The following EXOC6B variants were observed in gnomAD, a reference collection of about 807,000 sequenced individuals.
EXOC6B encodes exocyst complex component 6B, also known as SEC15 homolog B.
A neutral mutation model predicts 113.5 loss-of-function variants in EXOC6B; 54 were observed. The ratio of observed to expected loss-of-function variants is 0.48; its 90% CI spans 0.38 to 0.60. The LOEUF is 0.60. Ranked by LOEUF, EXOC6B falls within the 20% of genes least tolerant of loss-of-function variation. The pLI is 0.00. For synonymous variants in EXOC6B, 357 were observed against 339.0 expected (o/e 1.05, Z -0.58); for missense variants, 797 against 977.5 (o/e 0.82, Z 2.46).
chr2:72,498,606 G>GTTTTT, intron 12 of EXOC6B, 55 bp from the exon 13 acceptor site: 5 of 843,736 alleles, frequency 5.9e-6, no homozygotes, highest in African/African-American at 1.9e-5. Context: ...TTTTTTTTCG[G>GTTTTT]TTTTTTTTTT....
chr2:72,788,908 T>G lies in EXOC6B; in HGVS notation c.113+36890A>C, dbSNP rs561831507. 3.5e-3 allele frequency among the ~76,000 whole-genome samples: 532 copies of G among 152,342 alleles called. 4 individuals carry two copies. The highest frequency in any genetic ancestry group is 0.012 in the African/African-American group (506 of 41,584). On this transcript the variant is annotated intron_variant, in intron 1 of 21. Coordinates refer to ENST00000272427, the MANE Select transcript of EXOC6B (RefSeq NM_015189.3). The stretch of plus-strand genomic sequence containing the variant: ...CAAATTATGACCTCATTCTTTGCTT[T>G]AGTTTTCTCCTAAGATCCTCATGTC...
intron 20 of EXOC6B, among the ~76,000 whole-genome samples, chr2:72,236,075 G>A (rs2104486207): frequency 6.6e-6 from 1 of 152,320 alleles, no homozygotes; most frequent in East Asian, 1.9e-4. Flanking sequence ...GAAACAAAAA[G>A]TGATGTCTAG....
chr2:72,624,462 C>T (rs1292777864), intron 6 of EXOC6B, among the ~76,000 whole-genome samples: 2 of 152,044 alleles, frequency 1.3e-5, no homozygotes, highest in African/African-American at 2.4e-5. Context: ...TGATTTTGAC[C>T]GGGTGCAGTG....
chr2:72,249,362 C>G (rs1381692676), intron 20 of EXOC6B, among the ~76,000 whole-genome samples: 2 of 152,144 alleles, frequency 1.3e-5, no homozygotes, highest in African/African-American at 4.8e-5. Context: ...TCACGTCATT[C>G]TCCTGCCTCA....
chr2:72,332,354 A>G (rs1688460744), intron 20 of EXOC6B, among the ~76,000 whole-genome samples: 1 of 152,088 alleles, frequency 6.6e-6, no homozygotes, highest in Admixed American at 6.6e-5. Flanking sequence ...GACCAGTGAG[A>G]GTAGTATTCA....
chr2:72,688,399 T>A (rs2104577270), intron 6 of EXOC6B, among the ~76,000 whole-genome samples: 1 of 152,246 alleles, frequency 6.6e-6, no homozygotes, highest in Middle Eastern at 3.4e-3. Flanking sequence ...TAAAACTTAT[T>A]TTCATGGGGA....
At chr2:72,586,840 T>C (rs574995428) in intron 6 of EXOC6B, among the ~76,000 whole-genome samples, 1 of 150,982 alleles carries the variant, frequency 6.6e-6, no homozygotes, top group African/African-American at 2.4e-5. Context: ...ATCAAGGAAA[T>C]GCAAATCAAA....
intron 8 of EXOC6B, among the ~76,000 whole-genome samples, chr2:72,552,754 C>A (rs1703312215): frequency 6.6e-6 from 1 of 151,868 alleles, no homozygotes; most frequent in South Asian, 2.1e-4. Context: ...CAATGAAATT[C>A]ACCATATTCA....
chr2:72,764,364 C>CTTTTTTTTT (rs397869115), intron 1 of EXOC6B, among the ~76,000 whole-genome samples: 6 of 66,812 alleles, frequency 9.0e-5, no homozygotes, highest in Non-Finnish European at 1.6e-4. Flanking sequence ...TATTTTCTCT[C>CTTTTTTTTT]TTTTTTTTTT....
At chr2:72,537,218 C>T (rs1702345079) in intron 8 of EXOC6B, among the ~76,000 whole-genome samples, 1 of 151,960 alleles carries the variant, frequency 6.6e-6, no homozygotes, top group Non-Finnish European at 1.5e-5. Context: ...CCTGACTTTA[C>T]TGGGAATCCC....
chr2:72,230,440 A>T (rs564823822), intron 20 of EXOC6B, among the ~76,000 whole-genome samples: 160 of 152,310 alleles, frequency 1.1e-3, no homozygotes, highest in African/African-American at 3.8e-3. Flanking sequence ...TTGCAATGCA[A>T]TTCCTTCTTG....
intron 20 of EXOC6B, among the ~76,000 whole-genome samples, chr2:72,259,125 T>A (rs1683544198): frequency 6.6e-6 from 1 of 152,192 alleles, no homozygotes; most frequent in Non-Finnish European, 1.5e-5. Flanking sequence ...ATGCATACAC[T>A]GATATAACCC....
intron 18 of EXOC6B, among the ~76,000 whole-genome samples, chr2:72,430,712 A>C (rs553074783): frequency 1.2e-4 from 18 of 152,350 alleles, no homozygotes; most frequent in African/African-American, 4.3e-4. Flanking sequence ...ACTAAATTTT[A>C]TCTCACTTAA....
At chr2:72,440,753 A>G (rs970195888) in intron 18 of EXOC6B, among the ~76,000 whole-genome samples, 1 of 152,222 alleles carries the variant, frequency 6.6e-6, no homozygotes, top group African/African-American at 2.4e-5. Context: ...ATAAAAGACT[A>G]AGACTTATTG....
chr2:72,455,979 T>C (rs1181715346), intron 18 of EXOC6B, among the ~76,000 whole-genome samples: 1 of 152,110 alleles, frequency 6.6e-6, no homozygotes, highest in Non-Finnish European at 1.5e-5. Flanking sequence ...TGACCTAGGA[T>C]CTAGCCCCAC....
chr2:72,232,679 C>T (rs1200892412), intron 20 of EXOC6B, among the ~76,000 whole-genome samples: 1 of 152,142 alleles, frequency 6.6e-6, no homozygotes, highest in Non-Finnish European at 1.5e-5. Context: ...GTGAAAACTG[C>T]AAGACACAAA....
chr2:72,563,793 T>C (rs945802390), intron 7 of EXOC6B, among the ~76,000 whole-genome samples: 1 of 152,030 alleles, frequency 6.6e-6, no homozygotes, highest in East Asian at 1.9e-4. Flanking sequence ...TAAAAGAAAG[T>C]CTCTAAGAAC....
chr2:72,312,598 A>T (rs1687261624), intron 20 of EXOC6B, among the ~76,000 whole-genome samples: 1 of 152,044 alleles, frequency 6.6e-6, no homozygotes, highest in Admixed American at 6.5e-5. Flanking sequence ...TCAAAGTGAA[A>T]TACAAAAATT....
At chr2:72,313,310 C>T (rs1287756657) in intron 20 of EXOC6B, among the ~76,000 whole-genome samples, 1 of 152,080 alleles carries the variant, frequency 6.6e-6, no homozygotes, top group Non-Finnish European at 1.5e-5. Flanking sequence ...TACAACAAAC[C>T]TCCATGACAC....
Sources: allele counts gnomAD v4.1 joint callset (sites outside exome capture counted in the v4.1 genomes callset), GRCh38; gene constraint gnomAD v4.1.1; transcripts MANE v1.5; gene names NCBI Gene and HGNC (gene_info 2026-07-23, HGNC 2026-07-21).